Variants in FOCAD observed in about 807,000 individuals in gnomAD.
The protein encoded by FOCAD is focadhesin.
In FOCAD, 198 loss-of-function variants were observed where a neutral mutation model predicts 225.6. The ratio of observed to expected loss-of-function variants is 0.88; its 90% CI spans 0.78 to 0.99. FOCAD has a LOEUF of 0.99. Among genes scored for constraint, FOCAD ranks in the 50% least tolerant of loss-of-function variants. FOCAD has a pLI of 0.00. For synonymous variants in FOCAD, 897 were observed against 755.0 expected, an observed-to-expected ratio of 1.19 and a Z score of -3.08; for missense variants, 2,713 against 2,123.6, an observed-to-expected ratio of 1.28 and a Z score of -5.46.
At chr9:20,946,351 G>A (rs1837176821) in intron 29 of FOCAD, among the ~76,000 whole-genome samples, 1 of 152,156 alleles carries the variant, frequency 6.6e-6, no homozygotes, top group Admixed American at 6.5e-5. Flanking sequence ...ATGAAAATCT[G>A]TTTCCTTCTG....
intron 29 of FOCAD, 51 bp from the exon 30 acceptor site, chr9:20,946,650 C>T: frequency 6.4e-7 from 1 of 1,567,288 alleles, no homozygotes; most frequent in Non-Finnish European, 8.6e-7. Flanking sequence ...AAACCGAGTT[C>T]TTTTATTTTT....
chr9:20,922,047 T>G (rs1834486718), intron 24 of FOCAD, among the ~76,000 whole-genome samples: 1 of 152,218 alleles, frequency 6.6e-6, no homozygotes, highest in Admixed American at 6.5e-5. Context: ...CCTCAGGATA[T>G]TCTGTTAAAA....
chr9:20,747,822 GT>G (rs34772075), intron 5 of FOCAD, among the ~76,000 whole-genome samples: 77,476 of 136,620 alleles, frequency 0.57, 21,625 homozygotes, highest in South Asian at 0.65. Context: ...CATTTTTAGT[GT>G]TTTTTTTTTT....
At chr9:20,923,622 CCAAAGTTCT>C (rs765250085) in intron 24 of FOCAD, 29 bp from the exon 25 acceptor site, 29 of 1,544,810 alleles carry the variant, frequency 1.9e-5, no homozygotes, top group Non-Finnish European at 7.1e-6. Context: ...CTGGTTAATA[CCAAAGTTCT>C]CTGTTGAAAT....
In FOCAD at chr9:20,923,743, C is replaced by T. The variant is rs1295949366; in HGVS notation, c.2936C>T (p.Ser979Phe). ...VVVSRHEASL[S>F]SDSDGLLEVQ... is the part of the protein sequence containing the mutation. ...GTATCTAGACATGAAGCCAGCCTCT[C>T]CTCAGACTCTGACGGGCTCCTGGAG... Residue 979 changes from serine to phenylalanine, a missense_variant, in exon 25 of 44, where the codon TCC becomes TTC. Physicochemically the swap from Ser to Phe is radical, Grantham distance 155 (BLOSUM62 -2). Coordinates refer to ENST00000338382, the MANE Select transcript of FOCAD (RefSeq NM_001375567.1). The T allele has an allele frequency of 1.7e-5, 28 of 1,613,786 alleles. No individual in the cohort carries two copies. The highest frequency in any genetic ancestry group is 2.2e-5 in the Non-Finnish European group (26 of 1,179,884).
intron 5 of FOCAD, among the ~76,000 whole-genome samples, chr9:20,752,877 C>T (rs1332325298): frequency 6.6e-6 from 1 of 151,506 alleles, no homozygotes; most frequent in Non-Finnish European, 1.5e-5. Flanking sequence ...TCCTTCACAT[C>T]CCTTGTAAGC....
chr9:20,843,927 C>T (rs969962197), intron 15 of FOCAD, among the ~76,000 whole-genome samples: 4 of 152,022 alleles, frequency 2.6e-5, no homozygotes, highest in African/African-American at 9.7e-5. Flanking sequence ...TCAGCAGTTA[C>T]AGAGCAATAT....
chr9:20,995,496 C>A, intron 43 of FOCAD, 60 bp from the exon 44 acceptor site: 1 of 1,385,060 alleles, frequency 7.2e-7, no homozygotes, highest in Non-Finnish European at 1.0e-6. Context: ...TCTGTTCTGA[C>A]ACCTTTTTGA....
chr9:20,663,271 A>G (rs1821789462), intron 2 of FOCAD, among the ~76,000 whole-genome samples: 1 of 152,112 alleles, frequency 6.6e-6, no homozygotes. Flanking sequence ...ACATGTCTGT[A>G]TTCCTGAGCT....
At chr9:20,826,785 T>C (rs1378774313) in intron 15 of FOCAD, among the ~76,000 whole-genome samples, 1 of 152,086 alleles carries the variant, frequency 6.6e-6, no homozygotes, top group African/African-American at 2.4e-5. Flanking sequence ...CTTTGGTTAC[T>C]CCCGGGCTTG....
At chr9:20,819,586 C>T (rs957225905) in intron 11 of FOCAD, among the ~76,000 whole-genome samples, 1 of 151,944 alleles carries the variant, frequency 6.6e-6, no homozygotes, top group Non-Finnish European at 1.5e-5. Flanking sequence ...AAGCACTTTT[C>T]GATTGGTGTT....
At chr9:20,666,192 ATTG>A (rs1344831470) in intron 2 of FOCAD, among the ~76,000 whole-genome samples, 1 of 152,156 alleles carries the variant, frequency 6.6e-6, no homozygotes, top group Non-Finnish European at 1.5e-5. Context: ...GTACTATCTC[ATTG>A]TTTAAACTAT....
chr9:20,882,083 TAC>T (rs1229204070), intron 20 of FOCAD, 27 bp downstream of exon 20: 2 of 1,579,024 alleles, frequency 1.3e-6, no homozygotes, highest in South Asian at 2.3e-5. Context: ...GTATCAAAAA[TAC>T]AGGTTTTTCA....
At chr9:20,833,970 C>T (rs967470602) in intron 15 of FOCAD, among the ~76,000 whole-genome samples, 1 of 151,990 alleles carries the variant, frequency 6.6e-6, no homozygotes, top group African/African-American at 2.4e-5. Flanking sequence ...ACCTGATGAT[C>T]CAGCAATTCC....
chr9:20,948,514 A>G, intron 31 of FOCAD, 121 bp downstream of exon 31: 1 of 1,067,340 alleles, frequency 9.4e-7, no homozygotes, highest in Non-Finnish European at 1.3e-6. Flanking sequence ...AGGCAATTTT[A>G]AATGAAAGAG....
intron 21 of FOCAD, among the ~76,000 whole-genome samples, chr9:20,887,648 C>G (rs939693045): frequency 6.6e-5 from 10 of 152,224 alleles, no homozygotes; most frequent in African/African-American, 1.9e-4. Context: ...TAAACATTCT[C>G]ATACAGATCC....
intron 28 of FOCAD, among the ~76,000 whole-genome samples, chr9:20,936,815 A>G (rs537598245): frequency 6.6e-6 from 1 of 152,354 alleles, no homozygotes; most frequent in East Asian, 1.9e-4. Flanking sequence ...GCATGATTGT[A>G]TATCTAGAAA....
chr9:20,733,528 C>T (rs568319150), intron 4 of FOCAD, among the ~76,000 whole-genome samples: 3 of 152,116 alleles, frequency 2.0e-5, no homozygotes, highest in Admixed American at 1.3e-4. Flanking sequence ...CACAACAGTC[C>T]CCAGATTGTG....
At chr9:20,881,164 A>G (rs1458026138) in intron 19 of FOCAD, among the ~76,000 whole-genome samples, 1 of 152,216 alleles carries the variant, frequency 6.6e-6, no homozygotes, top group East Asian at 1.9e-4. Flanking sequence ...CTTAAATGAT[A>G]AGAAGGAGCC....
Sources: allele counts gnomAD v4.1 joint callset (sites outside exome capture counted in the v4.1 genomes callset), GRCh38; gene constraint gnomAD v4.1.1; transcripts MANE v1.5; gene names NCBI Gene and HGNC (gene_info 2026-07-23, HGNC 2026-07-21).